Variants in KCNIP4 observed in about 807,000 individuals in gnomAD.
The protein encoded by KCNIP4 is potassium voltage-gated channel interacting protein 4.
Under a neutral mutation model 34.0 loss-of-function variants are expected in KCNIP4, and 12 were observed. The ratio of observed to expected loss-of-function variants is 0.35; its 90% CI spans 0.23 to 0.57. The LOEUF is 0.57. KCNIP4 is among the 20% of genes least tolerant of loss of function. The probability of loss-of-function intolerance (pLI) is 0.83; values close to 1 mark genes in which losing one functional copy is unlikely to be tolerated. For missense variants in KCNIP4, 238 were observed against 311.7 expected, an observed-to-expected ratio of 0.76 and a Z score of 1.78; for synonymous variants, 124 against 102.2, an observed-to-expected ratio of 1.21 and a Z score of -1.29.
At chr4:21,117,317 G>A (rs901326102) in intron 1 of KCNIP4, among the ~76,000 whole-genome samples, 2 of 118,496 alleles carry the variant, frequency 1.7e-5, no homozygotes, top group Admixed American at 8.6e-5. Context: ...GGGGGGGGGG[G>A]GGCGCTGTTT....
At chr4:20,731,734 ACT>A (rs2149260377) in intron 8 of KCNIP4, 1 of 985,294 alleles carries the variant, frequency 1.0e-6, no homozygotes, top group Non-Finnish European at 1.2e-6. Flanking sequence ...CTCCATGAAT[ACT>A]CTCTAAGGAA....
At chr4:20,884,483 C>T (rs1280564369) in intron 1 of KCNIP4, among the ~76,000 whole-genome samples, 1 of 150,758 alleles carries the variant, frequency 6.6e-6, no homozygotes, top group Non-Finnish European at 1.5e-5. Flanking sequence ...ATAAAACACA[C>T]CCTATATTTT....
At chr4:21,808,120 G>C (rs1578015901) in intron 1 of KCNIP4, among the ~76,000 whole-genome samples, 1 of 152,116 alleles carries the variant, frequency 6.6e-6, no homozygotes, top group Admixed American at 6.6e-5. Flanking sequence ...AGGGTAGAAA[G>C]GATAATACTT....
At chr4:21,349,842 C>A (rs1260470218) in intron 1 of KCNIP4, among the ~76,000 whole-genome samples, 1 of 152,110 alleles carries the variant, frequency 6.6e-6, no homozygotes, top group Non-Finnish European at 1.5e-5. Flanking sequence ...GTATGGGGTA[C>A]AAGCACAAGG....
At chr4:21,215,143 C>T (rs1757467675) in intron 1 of KCNIP4, among the ~76,000 whole-genome samples, 1 of 152,190 alleles carries the variant, frequency 6.6e-6, no homozygotes, top group Non-Finnish European at 1.5e-5. Context: ...CTCACTCTGA[C>T]ATGTTTTTGG....
At chr4:21,589,933 A>G (rs559195468) in intron 1 of KCNIP4, among the ~76,000 whole-genome samples, 2 of 152,164 alleles carry the variant, frequency 1.3e-5, no homozygotes, top group South Asian at 4.1e-4. Context: ...GATGTTTTAT[A>G]AGATATTCAT....
intron 1 of KCNIP4, among the ~76,000 whole-genome samples, chr4:21,718,306 C>A (rs780317638): frequency 2.8e-4 from 42 of 152,064 alleles, no homozygotes; most frequent in Non-Finnish European, 5.3e-4. Flanking sequence ...CACTATGTTA[C>A]CTAAATATTT....
intron 1 of KCNIP4, among the ~76,000 whole-genome samples, chr4:21,318,039 G>A (rs1340274906): frequency 2.6e-5 from 4 of 152,094 alleles, no homozygotes. Context: ...CTTTAAATCC[G>A]ATTTATAAAT....
intron 1 of KCNIP4, among the ~76,000 whole-genome samples, chr4:21,140,496 C>T (rs979824103): frequency 6.6e-6 from 1 of 152,032 alleles, no homozygotes; most frequent in Non-Finnish European, 1.5e-5. Flanking sequence ...TAACATAACG[C>T]ACCTCCTCTG....
intron 1 of KCNIP4, among the ~76,000 whole-genome samples, chr4:21,369,170 G>A (rs1389260988): frequency 6.8e-6 from 1 of 147,096 alleles, no homozygotes; most frequent in Non-Finnish European, 1.5e-5. Context: ...TATACTTAAT[G>A]GTAGTGTTAT....
chr4:20,787,902 T>G (rs987834212), intron 3 of KCNIP4, among the ~76,000 whole-genome samples: 7 of 152,182 alleles, frequency 4.6e-5, no homozygotes, highest in Non-Finnish European at 1.0e-4. Context: ...TTTTCTTACT[T>G]ATGAAGGTTT....
At chr4:21,631,671 TC>T (rs1356222231) in intron 1 of KCNIP4, among the ~76,000 whole-genome samples, 8 of 152,186 alleles carry the variant, frequency 5.3e-5, no homozygotes, top group African/African-American at 1.4e-4. Flanking sequence ...GGCCTGCCTT[TC>T]CTCAATTCAA....
chr4:21,183,931 G>A (rs552033589), intron 1 of KCNIP4, among the ~76,000 whole-genome samples: 2 of 151,926 alleles, frequency 1.3e-5, no homozygotes, highest in South Asian at 4.2e-4. Context: ...CCCTTCTCAG[G>A]CCATCACTCT....
At chr4:21,672,604 C>G (rs55760217) in intron 1 of KCNIP4, among the ~76,000 whole-genome samples, 415 of 152,312 alleles carry the variant, frequency 2.7e-3, no homozygotes, top group Middle Eastern at 0.014. Flanking sequence ...TTGTTTTCTT[C>G]TGTCTAGTTC....
At chr4:20,959,003 A>T (rs1733595056) in intron 1 of KCNIP4, among the ~76,000 whole-genome samples, 1 of 152,208 alleles carries the variant, frequency 6.6e-6, no homozygotes, top group Admixed American at 6.5e-5. Flanking sequence ...AGCATGTTGA[A>T]ATCAGTGGGT....
chr4:20,753,932 TCA>T, intron 4 of KCNIP4, among the ~76,000 whole-genome samples: 1 of 151,952 alleles, frequency 6.6e-6, no homozygotes, highest in Admixed American at 6.5e-5. Context: ...ATTCATTCAT[TCA>T]TTCAACAACT....
chr4:20,937,902 A>T (rs1240046452), intron 1 of KCNIP4, among the ~76,000 whole-genome samples: 1 of 152,140 alleles, frequency 6.6e-6, no homozygotes, highest in African/African-American at 2.4e-5. Flanking sequence ...TTCAATTCTC[A>T]TGTTTAACTA....
chr4:21,203,623 T>A (rs1490175725), intron 1 of KCNIP4, among the ~76,000 whole-genome samples: 1 of 152,216 alleles, frequency 6.6e-6, no homozygotes, highest in African/African-American at 2.4e-5. Context: ...ATTGCCCTGT[T>A]CTTGCCCCTG....
chr4:21,755,039 C>T (rs1985182), intron 1 of KCNIP4, among the ~76,000 whole-genome samples: 74,917 of 151,964 alleles, frequency 0.49, 20,378 homozygotes, highest in Non-Finnish European at 0.63. Flanking sequence ...CCCAGCTACT[C>T]GGGAGGCTGA....
Sources: allele counts gnomAD v4.1 joint callset (sites outside exome capture counted in the v4.1 genomes callset), GRCh38; gene constraint gnomAD v4.1.1; transcripts MANE v1.5; gene names NCBI Gene and HGNC (gene_info 2026-07-23, HGNC 2026-07-21).